Variants in NCOA3 observed in about 807,000 individuals in gnomAD.
The protein encoded by NCOA3 is nuclear receptor coactivator 3.
A neutral mutation model predicts 158.8 loss-of-function variants in NCOA3; 51 were observed. The observed-to-expected ratio is 0.32, with a 90% CI of 0.26 to 0.41. NCOA3 has a LOEUF of 0.41. NCOA3 is among the 10% of genes least tolerant of loss of function. The pLI is 1.00. For synonymous variants in NCOA3, 537 were observed against 592.4 expected (o/e 0.91, Z 1.36); for missense variants, 1,510 against 1,746.6 (o/e 0.86, Z 2.41).
At chr20:47,625,252 G>A (rs1195743651) in intron 4 of NCOA3, 129 bp from the exon 5 acceptor site, 5 of 616,312 alleles carry the variant, frequency 8.1e-6, no homozygotes, top group African/African-American at 3.7e-5. Context: ...TCTCTTATGA[G>A]GAAATGTTTT....
chr20:47,597,476 C>T (rs986738441), intron 2 of NCOA3, among the ~76,000 whole-genome samples: 1 of 150,280 alleles, frequency 6.7e-6, no homozygotes, highest in Non-Finnish European at 1.5e-5. Flanking sequence ...TTGATTCTAA[C>T]CTGTGCTTTT....
chr20:47,590,736 G>A (rs1007346626), intron 2 of NCOA3, among the ~76,000 whole-genome samples: 3 of 152,030 alleles, frequency 2.0e-5, no homozygotes, highest in Non-Finnish European at 4.4e-5. Flanking sequence ...GCTTGACGCT[G>A]GGAGGCTGAT....
chr20:47,557,201 T>G (rs1414444535), intron 1 of NCOA3, among the ~76,000 whole-genome samples: 3 of 152,126 alleles, frequency 2.0e-5, no homozygotes, highest in African/African-American at 7.2e-5. Flanking sequence ...TTGGCTGGAT[T>G]TCAAAATTGC....
chr20:47,584,287 C>T (rs1216294484), intron 2 of NCOA3, among the ~76,000 whole-genome samples: 1 of 151,978 alleles, frequency 6.6e-6, no homozygotes, highest in Admixed American at 6.6e-5. Context: ...AGTATGAAAC[C>T]TTGTCTCTAG....
chr20:47,655,696 C>T lies in NCOA3; in HGVS notation c.*2279C>T, dbSNP rs2086860576. On this transcript the variant is annotated 3_prime_UTR_variant, in exon 23 of 23. Coordinates refer to ENST00000371998, the MANE Select transcript of NCOA3 (RefSeq NM_181659.3). Reference sequence around the variant, plus strand: ...CTTTTTCAGCTCAATTGTATCTGACCCTTCTTTAAGTTATGTGTGTGGGGA... The same window carrying T: ...CTTTTTCAGCTCAATTGTATCTGACTCTTCTTTAAGTTATGTGTGTGGGGA... 6.6e-6 allele frequency: 1 copy of T among 152,388 alleles called. No homozygotes were observed. The highest frequency in any genetic ancestry group is 2.4e-5 in the African/African-American group (1 of 41,346). The allele number at this position is 152,388 out of a possible 1,614,324, so 9.4% of individuals were successfully genotyped here. A position where few individuals can be genotyped will look rare whatever the true frequency, so the allele number is the denominator to read the frequency against.
chr20:47,573,114 G>A (rs1031439670), intron 1 of NCOA3, among the ~76,000 whole-genome samples: 2 of 152,020 alleles, frequency 1.3e-5, no homozygotes, highest in Admixed American at 6.6e-5. Context: ...AACACTGATC[G>A]CAGGCTGGGC....
intron 2 of NCOA3, among the ~76,000 whole-genome samples, chr20:47,616,856 T>G (rs6018590): frequency 0.14 from 20,648 of 152,228 alleles, 2,018 homozygotes; most frequent in African/African-American, 0.26. Flanking sequence ...GATTACTTGG[T>G]AGCAAGTATA....
intron 2 of NCOA3, among the ~76,000 whole-genome samples, chr20:47,603,334 C>G (rs180708679): frequency 6.6e-6 from 1 of 152,232 alleles, no homozygotes; most frequent in African/African-American, 2.4e-5. Flanking sequence ...TCATCTGTTC[C>G]GTGCTCTCAA....
At chr20:47,525,660 G>C (rs1363773672) in intron 1 of NCOA3, among the ~76,000 whole-genome samples, 11 of 139,144 alleles carry the variant, frequency 7.9e-5, no homozygotes, top group Admixed American at 2.1e-4. Context: ...CCGGACGGGG[G>C]GGCTGACCCC....
chr20:47,639,495 G>A, intron 14 of NCOA3, 82 bp from the exon 15 acceptor site: 1 of 1,533,424 alleles, frequency 6.5e-7, no homozygotes, highest in Non-Finnish European at 8.8e-7. Flanking sequence ...GGTTGATGTT[G>A]TGTATAATGG....
intron 1 of NCOA3, among the ~76,000 whole-genome samples, chr20:47,549,366 TAAAA>T (rs140708289): frequency 6.9e-6 from 1 of 145,266 alleles, no homozygotes; most frequent in Non-Finnish European, 1.5e-5. Context: ...GACAAAAAAT[TAAAA>T]AAAAAAATTA....
chr20:47,577,411 C>T (rs1450770162), intron 1 of NCOA3, among the ~76,000 whole-genome samples: 1 of 152,176 alleles, frequency 6.6e-6, no homozygotes, highest in Non-Finnish European at 1.5e-5. Flanking sequence ...CTTGCTTTCA[C>T]ATGTAAATAG....
intron 1 of NCOA3, among the ~76,000 whole-genome samples, chr20:47,529,431 T>G (rs1280818800): frequency 6.6e-6 from 1 of 151,948 alleles, no homozygotes; most frequent in Non-Finnish European, 1.5e-5. Context: ...TAAAAAACTT[T>G]TTTGAGACAG....
intron 2 of NCOA3, among the ~76,000 whole-genome samples, chr20:47,606,841 T>C (rs1166967534): frequency 2.0e-5 from 3 of 152,224 alleles, no homozygotes; most frequent in Non-Finnish European, 4.4e-5. Context: ...AACATCTGAC[T>C]GTATTGGTTG....
rs1446686622 is a variant in NCOA3, at chr20:47,509,584, T to C, written c.-99+7565T>C. Among the ~76,000 whole-genome samples, 4 of 152,176 alleles carry C rather than the reference T, an allele frequency of 2.6e-5. No individual in the cohort carries two copies. The East Asian group carries it at 7.7e-4, about 29-fold the overall frequency. ...TAAGTCATCTTGTGGAGTAGCTATA[T>C]CAGCTTGAGTTTGTTTCCAGATTGA... On this transcript the variant is annotated intron_variant, in intron 1 of 22. Coordinates refer to ENST00000371998, the MANE Select transcript of NCOA3 (RefSeq NM_181659.3).
chr20:47,577,401 C>T (rs2085388434), intron 1 of NCOA3, among the ~76,000 whole-genome samples: 1 of 152,154 alleles, frequency 6.6e-6, no homozygotes, highest in Non-Finnish European at 1.5e-5. Flanking sequence ...TTGGATTTGT[C>T]TTGCTTTCAC....
At chr20:47,530,461 C>CTTTT (rs11483053) in intron 1 of NCOA3, among the ~76,000 whole-genome samples, 4 of 129,364 alleles carry the variant, frequency 3.1e-5, no homozygotes, top group Non-Finnish European at 3.2e-5. Flanking sequence ...AATGATTTAA[C>CTTTT]TTTTTTTTTT....
intron 1 of NCOA3, among the ~76,000 whole-genome samples, chr20:47,571,620 C>T (rs79502078): frequency 0.028 from 4,249 of 152,068 alleles, 234 homozygotes; most frequent in African/African-American, 0.098. Context: ...CAACAGTGGA[C>T]CTAAAATATT....
chr20:47,647,914 G>GTTTTTT (rs1445300112), intron 18 of NCOA3, among the ~76,000 whole-genome samples: 2 of 126,044 alleles, frequency 1.6e-5, no homozygotes, highest in Non-Finnish European at 1.7e-5. Context: ...TGTTTGTTTT[G>GTTTTTT]TTTTGTTTTT....
Sources: gnomAD v4.1 joint callset for allele counts (sites outside exome capture counted in the v4.1 genomes callset) on GRCh38, gnomAD v4.1.1 for gene constraint, MANE v1.5 for transcripts, NCBI Gene and HGNC (gene_info 2026-07-23, HGNC 2026-07-21) for gene names.